Variants in MARCHF2 observed in about 807,000 individuals in gnomAD.
The protein encoded by MARCHF2 is membrane associated ring-CH-type finger 2.
In MARCHF2, 22 loss-of-function variants were observed where a neutral mutation model predicts 24.0. The ratio of observed to expected loss-of-function variants is 0.92; its 90% CI spans 0.66 to 1.31. The LOEUF (loss-of-function observed/expected upper bound fraction) is 1.31, where lower values mean the gene tolerates loss of function less well. Among genes scored for constraint, MARCHF2 ranks in the 50% most tolerant of loss-of-function variants. The pLI, the probability that MARCHF2 is intolerant of heterozygous loss-of-function variation, is 0.00. For missense variants in MARCHF2, 301 were observed against 335.3 expected (o/e 0.90, Z 0.80); for synonymous variants, 154 against 153.0 (o/e 1.01, Z -0.05).
Position 8,438,155 on chromosome 19 carries a change from GGT to G in MARCHF2, c.583-225_583-224del, listed in dbSNP as rs1967780614. ...AAGGAGCTCCCGTTTGCTTCCTGCT[GGT>G]GTGTGTGGGGTGTATCTTGTCTTTG... On this transcript the variant is annotated intron_variant, in intron 4 of 4. Transcript: ENST00000215555. 2.6e-5 allele frequency among the ~76,000 whole-genome samples: 4 copies of G among 152,252 alleles called. No individual in the cohort carries two copies. The South Asian group carries it at 8.3e-4, about 32-fold the overall frequency.
At chr19:8,425,052 A>G (rs1967359591) in intron 2 of MARCHF2, among the ~76,000 whole-genome samples, 1 of 151,852 alleles carries the variant, frequency 6.6e-6, no homozygotes, top group African/African-American at 2.4e-5. Flanking sequence ...GGACCACAAC[A>G]TGTACCACCA....
At chr19:8,424,491 C>A (rs1000372333) in intron 2 of MARCHF2, among the ~76,000 whole-genome samples, 1 of 151,980 alleles carries the variant, frequency 6.6e-6, no homozygotes, top group Non-Finnish European at 1.5e-5. Context: ...CACGGTGAAA[C>A]CCCGTCTCTA....
chr19:8,437,347 CT>C (rs1967753370), intron 4 of MARCHF2, among the ~76,000 whole-genome samples: 2 of 114,014 alleles, frequency 1.8e-5, no homozygotes, highest in South Asian at 3.8e-4. Flanking sequence ...ATTCATTCAC[CT>C]ATTTTTTTTT....
chr19:8,435,026 T>A (rs1166951383), intron 4 of MARCHF2, among the ~76,000 whole-genome samples: 1 of 150,264 alleles, frequency 6.7e-6, no homozygotes, highest in African/African-American at 2.4e-5. Context: ...TTTAATTTTT[T>A]TTTTTTTTTT....
chr19:8,426,322 G>A (rs1967401365), intron 2 of MARCHF2, among the ~76,000 whole-genome samples: 1 of 151,658 alleles, frequency 6.6e-6, no homozygotes, highest in African/African-American at 2.4e-5. Flanking sequence ...GAGAGGACAT[G>A]GGGGCGGGTA....
At chr19:8,434,549 A>G (rs546566190) in intron 4 of MARCHF2, among the ~76,000 whole-genome samples, 12 of 151,378 alleles carry the variant, frequency 7.9e-5, no homozygotes, top group Admixed American at 7.3e-4. Flanking sequence ...TATTTATTTA[A>G]CAAATCACTT....
rs566952118 is a variant in MARCHF2 at position 8,419,127 on chromosome 19, G to C, written c.-52-2662G>C. On this transcript the variant is annotated intron_variant, in intron 1 of 4. Coordinates refer to ENST00000215555, the MANE Select transcript of MARCHF2 (RefSeq NM_001005415.2). ...TGTAATCCCAGCACTTTGGGAGTCCGAGGCAGATGGATCACCTGAGGTCAG... is the reference window on the plus strand; with the variant it reads ...TGTAATCCCAGCACTTTGGGAGTCCCAGGCAGATGGATCACCTGAGGTCAG... Among the ~76,000 whole-genome samples the C allele has an allele frequency of 2.0e-4, 31 of 152,012 alleles. 1 individual carries two copies. In the South Asian group the frequency reaches 5.4e-3, roughly 27 times the overall value.
intron 1 of MARCHF2, chr19:8,413,627 G>C (rs972362451): frequency 2.0e-5 from 3 of 152,170 alleles, no homozygotes; most frequent in African/African-American, 4.8e-5. Flanking sequence ...TCCGAGCCTC[G>C]GTTTCCCCAC....
intron 4 of MARCHF2, among the ~76,000 whole-genome samples, chr19:8,434,081 C>CTTTTTTTT: frequency 9.4e-6 from 1 of 105,994 alleles, no homozygotes; most frequent in Non-Finnish European, 1.9e-5. Context: ...ACCAGCATTT[C>CTTTTTTTT]TTTTTTTTTT....
intron 1 of MARCHF2, among the ~76,000 whole-genome samples, chr19:8,414,278 T>G (rs1481625527): frequency 6.8e-6 from 1 of 147,320 alleles, no homozygotes; most frequent in Admixed American, 6.8e-5. Context: ...CTCCCCGTCT[T>G]TTTTTTTTTT....
chr19:8,428,515 TGGC>T (rs1157295242), intron 3 of MARCHF2, among the ~76,000 whole-genome samples: 1 of 148,798 alleles, frequency 6.7e-6, no homozygotes, highest in Non-Finnish European at 1.5e-5. Flanking sequence ...CTAGGTGTGG[TGGC>T]GCATGCCTGT....
At chr19:8,419,286 G>C (rs1967163421) in intron 1 of MARCHF2, among the ~76,000 whole-genome samples, 1 of 152,076 alleles carries the variant, frequency 6.6e-6, no homozygotes, top group East Asian at 2.0e-4. Context: ...ACAAGGTCAA[G>C]AGATCAAAAC....
At chr19:8,415,721 C>CAAAAAAAAAAAAAAAAAAAAAAAAAAA (rs1309501077) in intron 1 of MARCHF2, among the ~76,000 whole-genome samples, 1 of 17,844 alleles carries the variant, frequency 5.6e-5, no homozygotes, top group African/African-American at 1.9e-4. Flanking sequence ...AACTCCATCT[C>CAAAAAAAAAAAAAAAAAAAAAAAAAAA]AAAAAAAAAA....
chr19:8,430,599 C>A lies in MARCHF2; in HGVS notation c.373-59C>A, dbSNP rs933642019. 3.5e-6 allele frequency: 5 copies of A among 1,423,438 alleles called. No individual in the cohort carries two copies. In the East Asian group the frequency reaches 9.1e-5, roughly 26 times the overall value. 88.2% of individuals were successfully genotyped at this position (1,423,438 alleles called of 1,614,324 possible). A position where few individuals can be genotyped will look rare whatever the true frequency, so the allele number is the denominator to read the frequency against. ...CCTAGGCCTGGAGGTCCTTACCCCT[C>A]CCCCTCAGTAGCCCCTTCTCTGCCC... On this transcript the variant is annotated intron_variant, in intron 3 of 4. Transcript: ENST00000215555. This position sits in a 1 kb window ranked among gnomAD's most constrained non-coding sequence, Gnocchi z 4.4.
At chr19:8,414,557 C>A (rs1444186713) in intron 1 of MARCHF2, among the ~76,000 whole-genome samples, 3 of 152,166 alleles carry the variant, frequency 2.0e-5, no homozygotes, top group Non-Finnish European at 2.9e-5. Context: ...GGATTACAGG[C>A]GTGAGCCACT....
rs141980110 is a variant in MARCHF2, at chr19:8,421,939, G to T, written c.99G>T (p.Pro33=). 2.5e-6 allele frequency: 4 copies of T among 1,613,604 alleles called. No homozygotes were observed. In the East Asian group the frequency reaches 8.9e-5, roughly 36 times the overall value. The stretch of plus-strand genomic sequence containing the variant: ...TCGTGGAGGCTACGGGCCTCGGACC[G>T]CCCCAGTATGTGGCACAGGTGACTT... ...SKVVEATGLG[P]PQYVAQVTSR... is the part of the protein sequence containing the mutation. The change falls in exon 2 of 5, where the codon CCG becomes CCT. Residue 33 remains proline, a synonymous_variant. Coordinates refer to ENST00000215555, the MANE Select transcript of MARCHF2 (RefSeq NM_001005415.2).
chr19:8,426,710 G>C lies in MARCHF2; in HGVS notation c.278G>C (p.Cys93Ser). 1 of 1,613,634 alleles carries C rather than the reference G, an allele frequency of 6.2e-7. No homozygotes were observed. Among genetic ancestry groups the C allele is most frequent in the Non-Finnish European group, 8.5e-7 (1 of 1,180,032 alleles). Reference protein sequence around the residue: ...TGTLGAVHKSCLEKWLSSSNT... With the variant: ...TGTLGAVHKSSLEKWLSSSNT... ...ACGCTGGGTGCCGTGCATAAGAGCT[G>C]TCTGGAGAAGTGGCTTTCCTCATCT... Residue 93 changes from cysteine (C) to serine (S), a missense_variant, in exon 3 of 5, where the codon TGT (cysteine) becomes TCT (serine). Transcript: ENST00000215555.
intron 1 of MARCHF2, among the ~76,000 whole-genome samples, chr19:8,419,881 G>A (rs1156725677): frequency 2.7e-5 from 4 of 148,828 alleles, no homozygotes; most frequent in Admixed American, 6.7e-5. Context: ...AATAATTGCC[G>A]GGCGCAGTGG....
At chr19:8,431,584 C>G (rs907385511) in intron 4 of MARCHF2, among the ~76,000 whole-genome samples, 3 of 151,350 alleles carry the variant, frequency 2.0e-5, no homozygotes, top group Non-Finnish European at 4.4e-5. Context: ...CTCCTTTAAT[C>G]CCAGCACTTT....
Sources: gnomAD v4.1 joint callset for allele counts (sites outside exome capture counted in the v4.1 genomes callset) on GRCh38, gnomAD v4.1.1 for gene constraint, Gnocchi (gnomAD v3.1) non-coding constraint, MANE v1.5 for transcripts, NCBI Gene and HGNC (gene_info 2026-07-23, HGNC 2026-07-21) for gene names.